CHN2: variants seen among roughly 807,000 people sequenced by gnomAD.
CHN2 encodes chimerin 2, also known as beta-chimaerin.
CHN2 carries 35 observed loss-of-function variants against 56.3 expected under a neutral mutation model. The observed-to-expected ratio is 0.62, with a 90% CI of 0.47 to 0.82. CHN2 has a LOEUF of 0.82. Among genes scored for constraint, CHN2 ranks in the 40% least tolerant of loss-of-function variants. The pLI, the probability that CHN2 is intolerant of heterozygous loss-of-function variation, is 0.00. For synonymous variants in CHN2, 210 were observed against 212.8 expected, an observed-to-expected ratio of 0.99 and a Z score of 0.12; for missense variants, 491 against 580.5, an observed-to-expected ratio of 0.85 and a Z score of 1.58.
chr7:29,308,462 GGTGT>G (rs10609046), intron 1 of CHN2, among the ~76,000 whole-genome samples: 9 of 151,000 alleles, frequency 6.0e-5, no homozygotes, highest in Non-Finnish European at 1.0e-4. Flanking sequence ...AGGTGGTTGG[GGTGT>G]GTGTGTGTGT....
intron 1 of CHN2, among the ~76,000 whole-genome samples, chr7:29,303,481 T>C (rs1793885513): frequency 6.6e-6 from 1 of 152,262 alleles, no homozygotes; most frequent in South Asian, 2.1e-4. Context: ...CATGCCCCCT[T>C]CCCTCTTATT....
At chr7:29,437,481 C>A (rs1411988505) in intron 6 of CHN2, among the ~76,000 whole-genome samples, 1 of 130,964 alleles carries the variant, frequency 7.6e-6, no homozygotes, top group Non-Finnish European at 1.6e-5. Context: ...GCCTGTAGTC[C>A]CAGCTACTCG....
chr7:29,452,490 C>T (rs936780848), intron 6 of CHN2, among the ~76,000 whole-genome samples: 1 of 152,246 alleles, frequency 6.6e-6, no homozygotes, highest in African/African-American at 2.4e-5. Flanking sequence ...AATGTTCCTG[C>T]AGACACCTGC....
chr7:29,403,433 C>G (rs6974280), intron 6 of CHN2, among the ~76,000 whole-genome samples: 2 of 152,074 alleles, frequency 1.3e-5, no homozygotes, highest in South Asian at 2.1e-4. Flanking sequence ...CCAGCATTTC[C>G]GTTTCCAGGT....
At chr7:29,300,249 G>A (rs1793552808) in intron 1 of CHN2, among the ~76,000 whole-genome samples, 1 of 152,160 alleles carries the variant, frequency 6.6e-6, no homozygotes, top group African/African-American at 2.4e-5. Flanking sequence ...GAGGGAACCA[G>A]ATGCAATAGA....
At chr7:29,381,809 CAAAAAAAAAAAAAAA>C (rs60652952) in intron 3 of CHN2, among the ~76,000 whole-genome samples, 1 of 39,512 alleles carries the variant, frequency 2.5e-5, no homozygotes, top group South Asian at 1.4e-3. Flanking sequence ...CTAAACTAAG[CAAAAAAAAAAAAAAA>C]AAAAAAAAAA....
intron 2 of CHN2, chr7:29,185,654 A>G (rs1327685224): frequency 1.1e-4 from 17 of 151,880 alleles, no homozygotes; most frequent in Admixed American, 1.1e-3. Context: ...CCACCCTCAG[A>G]TTCTGATTTG....
chr7:29,436,866 A>C (rs189840474), intron 6 of CHN2, among the ~76,000 whole-genome samples: 1 of 152,192 alleles, frequency 6.6e-6, no homozygotes, highest in East Asian at 1.9e-4. Context: ...CCCGGGTCTT[A>C]AACTTTTATA....
At chr7:29,185,779 C>T (rs1178936346) in intron 2 of CHN2, among the ~76,000 whole-genome samples, 1 of 152,150 alleles carries the variant, frequency 6.6e-6, no homozygotes, top group Non-Finnish European at 1.5e-5. Flanking sequence ...CAAAATTATT[C>T]ACATCACCTC....
In CHN2 at chr7:29,366,259, TA is replaced by T. The variant is rs146385496; in HGVS notation, c.89-1672del. ...TGTGTGTAGGAGATAAATGAAGCGTTAGGGGTGGAGGAGATTCCCTAGGGAG... is the reference window on the plus strand; with the variant it reads ...TGTGTGTAGGAGATAAATGAAGCGTTGGGGTGGAGGAGATTCCCTAGGGAG... On this transcript the variant is annotated intron_variant, in intron 2 of 12. Coordinates refer to ENST00000222792, the MANE Select transcript of CHN2 (RefSeq NM_004067.4). Among the ~76,000 whole-genome samples, 730 of 152,188 alleles carry T rather than the reference TA, an allele frequency of 4.8e-3. 4 individuals are homozygous for T. The highest frequency in any genetic ancestry group is 0.016 in the African/African-American group (675 of 41,516).
intron 6 of CHN2, among the ~76,000 whole-genome samples, chr7:29,462,742 T>C (rs1331195614): frequency 6.6e-6 from 1 of 152,186 alleles, no homozygotes; most frequent in East Asian, 1.9e-4. Context: ...AGGCATCACA[T>C]AGCATTTCCT....
chr7:29,277,153 G>A (rs1182027969), intron 1 of CHN2, among the ~76,000 whole-genome samples: 1 of 152,198 alleles, frequency 6.6e-6, no homozygotes, highest in Non-Finnish European at 1.5e-5. Flanking sequence ...TCTGTGAAAT[G>A]CAGGGACCCT....
intron 12 of CHN2, among the ~76,000 whole-genome samples, chr7:29,511,295 A>C (rs559424412): frequency 1.3e-5 from 2 of 152,274 alleles, no homozygotes; most frequent in East Asian, 3.9e-4. Flanking sequence ...AATTTACTGA[A>C]TTTAGGAGTG....
rs1171287535 is a variant in CHN2, at chr7:29,213,255, A to G, written c.49+18265A>G. 4.2e-6 allele frequency: 4 copies of G among 963,852 alleles called. No individual in the cohort carries two copies. The East Asian group carries it at 7.1e-5, about 17-fold the overall frequency. 59.7% of individuals were successfully genotyped at this position (963,852 alleles called of 1,614,324 possible). On this transcript the variant is annotated intron_variant, in intron 1 of 12. Transcript: ENST00000222792. ...GATATTACTCAGTTTCACTCTGGGT[A>G]GTGGCTGAATCCTTCCTCTCCCCTC...
chr7:29,460,627 G>A (rs1785096250), intron 6 of CHN2, among the ~76,000 whole-genome samples: 1 of 152,182 alleles, frequency 6.6e-6, no homozygotes, highest in African/African-American at 2.4e-5. Context: ...AAGATCTGAG[G>A]GGCTCTGATT....
chr7:29,155,584 A>G (rs1156333804), intron 2 of CHN2, among the ~76,000 whole-genome samples: 1 of 152,218 alleles, frequency 6.6e-6, no homozygotes, highest in East Asian at 1.9e-4. Context: ...TCTCTCTGAC[A>G]CCAAAACTGC....
chr7:29,484,641 C>T (rs1185894558), intron 7 of CHN2, among the ~76,000 whole-genome samples: 3 of 152,070 alleles, frequency 2.0e-5, no homozygotes, highest in East Asian at 1.9e-4. Flanking sequence ...AGTATGATGT[C>T]GTCTTAATTA....
chr7:29,206,585 AT>A (rs200980737), intron 1 of CHN2, among the ~76,000 whole-genome samples: 21 of 151,146 alleles, frequency 1.4e-4, no homozygotes, highest in South Asian at 8.4e-4. Context: ...TGGCCTAGAA[AT>A]TTTTTTTTTA....
intron 8 of CHN2, among the ~76,000 whole-genome samples, chr7:29,498,624 G>A (rs1172403059): frequency 6.6e-6 from 1 of 152,124 alleles, no homozygotes; most frequent in Non-Finnish European, 1.5e-5. Context: ...TATCATGTGT[G>A]CACGTGTGTG....
Sources: gnomAD v4.1 joint callset for allele counts (sites outside exome capture counted in the v4.1 genomes callset) on GRCh38, gnomAD v4.1.1 for gene constraint, MANE v1.5 for transcripts, NCBI Gene and HGNC (gene_info 2026-07-23, HGNC 2026-07-21) for gene names.